GLS: variants seen among roughly 807,000 people sequenced by gnomAD.
The protein encoded by GLS is glutaminase.
GLS carries 36 observed loss-of-function variants against 86.7 expected under a neutral mutation model. That is an observed-to-expected ratio of 0.42 (90% CI 0.32 to 0.55). The LOEUF (loss-of-function observed/expected upper bound fraction) is 0.55, where lower values mean the gene tolerates loss of function less well. GLS is among the 20% of genes least tolerant of loss of function. GLS has a pLI of 0.17. For missense variants in GLS, 528 were observed against 833.4 expected, an observed-to-expected ratio of 0.63 and a Z score of 4.51; for synonymous variants, 317 against 305.9, an observed-to-expected ratio of 1.04 and a Z score of -0.38.
intron 1 of GLS, among the ~76,000 whole-genome samples, chr2:190,885,795 A>T (rs568904288): frequency 7.2e-4 from 108 of 149,544 alleles, no homozygotes; most frequent in African/African-American, 2.6e-3. Flanking sequence ...GTTATTTTTG[A>T]TTTCTTCATT....
intron 14 of GLS, among the ~76,000 whole-genome samples, chr2:190,944,711 T>C (rs1574615767): frequency 6.6e-6 from 1 of 152,228 alleles, no homozygotes; most frequent in Non-Finnish European, 1.5e-5. Context: ...AATATGCCAC[T>C]GAGAAAAGAA....
intron 14 of GLS, among the ~76,000 whole-genome samples, chr2:190,942,812 CAG>C (rs142128245): frequency 0.023 from 3,552 of 152,232 alleles, 59 homozygotes; most frequent in Non-Finnish European, 0.04. Context: ...TCTAATATAA[CAG>C]AAAGTCTCAG....
rs57991806 is a variant in GLS, at chr2:190,934,356, T to C, written c.1650+2719T>C. The C allele has an allele frequency of 5.5e-4, 535 of 964,858 alleles. 2 individuals carry two copies. The African/African-American group carries it at 8.6e-3, about 15-fold the overall frequency. 59.8% of individuals were successfully genotyped at this position (964,858 alleles called of 1,614,324 possible). A position where few individuals can be genotyped will look rare whatever the true frequency, so the allele number is the denominator to read the frequency against. ...AAAAGAAATTCCCTTCTAGAGGTGC[T>C]GGCCAAAAAGCCTTTTGGGCTAACT... On this transcript the variant is annotated intron_variant, in intron 14 of 17. Transcript: ENST00000320717.
chr2:190,917,685 T>C (rs1034187098), intron 7 of GLS, among the ~76,000 whole-genome samples: 3 of 152,242 alleles, frequency 2.0e-5, no homozygotes, highest in African/African-American at 4.8e-5. Context: ...GCAGAATGGA[T>C]GTTGTGTTAG....
At position 190,905,938 on chromosome 2, in the gene GLS, T is replaced by G. The variant is rs577259891; in HGVS notation, c.979+771T>G. 2.6e-5 allele frequency among the ~76,000 whole-genome samples: 4 copies of G among 152,128 alleles called. No homozygotes were observed. The highest frequency in any genetic ancestry group is 5.9e-5 in the Non-Finnish European group (4 of 67,962). On this transcript the variant is annotated intron_variant, in intron 6 of 17. Transcript: ENST00000320717. The surrounding 1 kb of genome is among the most constrained non-coding windows in gnomAD (Gnocchi z 4.6). ...AGTAATGGCTGTGAGAGATACACTTTTGTACTTTTTTTTTCTGCTGTATAA... is the reference window on the plus strand; with the variant it reads ...AGTAATGGCTGTGAGAGATACACTTGTGTACTTTTTTTTTCTGCTGTATAA...
chr2:190,921,011 TA>T lies in GLS; in HGVS notation c.1039-12del, dbSNP rs745548905. 26 of 1,472,174 alleles carry T rather than the reference TA, an allele frequency of 1.8e-5. No individual in the cohort carries two copies. The East Asian group carries it at 3.6e-4, about 21-fold the overall frequency. The allele number at this position is 1,472,174 out of a possible 1,614,324, so 91.2% of individuals were successfully genotyped here. A position where few individuals can be genotyped will look rare whatever the true frequency, so the allele number is the denominator to read the frequency against. On this transcript the variant is annotated splice_polypyrimidine_tract_variant and intron_variant, in intron 7 of 17. Transcript: ENST00000320717. This position sits in a 1 kb window ranked among gnomAD's most constrained non-coding sequence, Gnocchi z 4.2. ...CCTATATTAACGTATTTATGTCTCT[TA>T]TTTTTTTGCAGCAAGGAGTAAATAA...
At chr2:190,915,085 G>A (rs1353283713) in intron 7 of GLS, among the ~76,000 whole-genome samples, 1 of 151,510 alleles carries the variant, frequency 6.6e-6, no homozygotes, top group East Asian at 1.9e-4. Flanking sequence ...CTGCCTCCCA[G>A]GTTCACGCCA....
intron 4 of GLS, among the ~76,000 whole-genome samples, chr2:190,901,006 C>T (rs993365131): frequency 1.3e-4 from 20 of 151,978 alleles, no homozygotes; most frequent in African/African-American, 3.4e-4. Flanking sequence ...CAGTATTAAA[C>T]GAAATGTTTC....
chr2:190,892,029 T>G (rs1688580439), intron 1 of GLS, among the ~76,000 whole-genome samples: 2 of 152,216 alleles, frequency 1.3e-5, no homozygotes, highest in Non-Finnish European at 1.5e-5. Flanking sequence ...TGAAGTAGTT[T>G]TCCAAAGTCT....
In GLS at chr2:190,951,650, T is replaced by C. The variant is rs1690723460; in HGVS notation, c.1651-1915T>C. On this transcript the variant is annotated intron_variant, in intron 14 of 17. Transcript: ENST00000320717. The surrounding 1 kb of genome is among the most constrained non-coding windows in gnomAD (Gnocchi z 4.2). ...GTAGTTAGGATCTTCTGTCTGTTTT[T>C]AGGGGTCTCCACTGGTATTAAAGGC... Among the ~76,000 whole-genome samples the C allele has an allele frequency of 6.6e-6, 1 of 152,172 alleles. No individual in the cohort carries two copies.
intron 7 of GLS, among the ~76,000 whole-genome samples, chr2:190,916,642 A>T (rs952384672): frequency 3.9e-5 from 6 of 152,198 alleles, no homozygotes; most frequent in African/African-American, 1.4e-4. Context: ...ACAATAATCA[A>T]ATGCCTTTAC....
chr2:190,926,401 T>C (rs980384789), intron 11 of GLS, among the ~76,000 whole-genome samples: 1 of 152,226 alleles, frequency 6.6e-6, no homozygotes, highest in Admixed American at 6.5e-5. Flanking sequence ...TAATTCACTG[T>C]ACTTAGTTTT....
chr2:190,912,568 C>G (rs950299421), intron 7 of GLS, among the ~76,000 whole-genome samples: 2 of 151,830 alleles, frequency 1.3e-5, no homozygotes, highest in African/African-American at 4.8e-5. Context: ...GTAATAAAAC[C>G]ATAGCCAAAA....
intron 7 of GLS, among the ~76,000 whole-genome samples, chr2:190,917,499 T>C (rs1302711074): frequency 2.0e-5 from 3 of 152,232 alleles, no homozygotes; most frequent in Non-Finnish European, 4.4e-5. Context: ...TTCGACCACC[T>C]ATGATCATGA....
At chr2:190,884,644 A>C (rs961225933) in intron 1 of GLS, among the ~76,000 whole-genome samples, 1 of 152,198 alleles carries the variant, frequency 6.6e-6, no homozygotes, top group Non-Finnish European at 1.5e-5. Context: ...GATAGAGGTA[A>C]GGGGCATTAT....
chr2:190,933,953 T>TA lies in GLS; in HGVS notation c.1650+2316_1650+2317insA, dbSNP rs1424687460. On this transcript the variant is annotated intron_variant, in intron 14 of 17. Transcript: ENST00000320717. Reference sequence around the variant, plus strand: ...AAATGCAATATTGAGAATCAAAACTTGTTTTTAAGAGAACTATAGATTCTA... The same window carrying TA: ...AAATGCAATATTGAGAATCAAAACTTAGTTTTTAAGAGAACTATAGATTCTA... 5.4e-6 allele frequency: 5 copies of TA among 925,332 alleles called. No individual in the cohort carries two copies. In the African/African-American group the frequency reaches 8.9e-5, roughly 16 times the overall value. The allele number at this position is 925,332 out of a possible 1,614,324, so 57.3% of individuals were successfully genotyped here. A position where few individuals can be genotyped will look rare whatever the true frequency, so the allele number is the denominator to read the frequency against.
At chr2:190,893,629 A>G (rs1249984771) in intron 1 of GLS, among the ~76,000 whole-genome samples, 1 of 152,100 alleles carries the variant, frequency 6.6e-6, no homozygotes, top group Non-Finnish European at 1.5e-5. Context: ...TCTGTTACCC[A>G]CTCTGGAGTG....
chr2:190,915,356 A>C (rs989391917), intron 7 of GLS, among the ~76,000 whole-genome samples: 1 of 151,964 alleles, frequency 6.6e-6, no homozygotes, highest in Non-Finnish European at 1.5e-5. Context: ...AACAACCCAT[A>C]TGGGTTTGTT....
Position 190,921,983 on chromosome 2 carries a change from C to T in GLS, c.1130+780C>T, listed in dbSNP as rs943186986. On this transcript the variant is annotated intron_variant, in intron 9 of 17. Coordinates refer to ENST00000320717, the MANE Select transcript of GLS (RefSeq NM_014905.5). This position sits in a 1 kb window ranked among gnomAD's most constrained non-coding sequence, Gnocchi z 4.2. ...CTTTACTTAGAACAGTCCCCGTGCC[C>T]TTGCTTTCACAAATTTTATTAAATG... 1.3e-5 allele frequency among the ~76,000 whole-genome samples: 2 copies of T among 152,074 alleles called. No homozygotes were observed. Among genetic ancestry groups the T allele is most frequent in the Non-Finnish European group, 2.9e-5 (2 of 67,950 alleles).
Sources: gnomAD v4.1 joint callset for allele counts (sites outside exome capture counted in the v4.1 genomes callset) on GRCh38, gnomAD v4.1.1 for gene constraint, Gnocchi (gnomAD v3.1) non-coding constraint, MANE v1.5 for transcripts, NCBI Gene and HGNC (gene_info 2026-07-23, HGNC 2026-07-21) for gene names.